Variants in ANAPC1 observed in about 807,000 individuals in gnomAD.
The protein encoded by ANAPC1 is anaphase-promoting complex subunit 1.
Under a neutral mutation model 208.0 loss-of-function variants are expected in ANAPC1, and 36 were observed. That is an observed-to-expected ratio of 0.17 (90% CI 0.13 to 0.23). The LOEUF (loss-of-function observed/expected upper bound fraction) is 0.23. Among genes scored for constraint, ANAPC1 ranks in the 10% least tolerant of loss-of-function variants. The probability of loss-of-function intolerance (pLI) is 1.00; values close to 1 mark genes in which losing one functional copy is unlikely to be tolerated. For missense variants in ANAPC1, 942 were observed against 2,011.6 expected, an observed-to-expected ratio of 0.47 and a Z score of 10.17; for synonymous variants, 378 against 695.2, an observed-to-expected ratio of 0.54 and a Z score of 7.18.
chr2:111,798,379 T>C (rs187316627), intron 34 of ANAPC1, among the ~76,000 whole-genome samples: 6 of 152,328 alleles, frequency 3.9e-5, no homozygotes, highest in African/African-American at 7.2e-5. Flanking sequence ...CTTGGGTACA[T>C]ACAAGGCAGA....
intron 6 of ANAPC1, 137 bp downstream of exon 6, chr2:111,872,493 G>A: frequency 3.0e-6 from 2 of 672,198 alleles, no homozygotes; most frequent in Non-Finnish European, 4.9e-6. Flanking sequence ...AACTTGTACT[G>A]AGATGAGAGA....
chr2:111,848,318 G>A (rs1573455416), intron 14 of ANAPC1, among the ~76,000 whole-genome samples: 1 of 151,286 alleles, frequency 6.6e-6, no homozygotes, highest in East Asian at 1.9e-4. Context: ...CAACTGCAGG[G>A]AAAGGGGCCA....
intron 17 of ANAPC1, among the ~76,000 whole-genome samples, chr2:111,842,578 G>A (rs1460560309): frequency 6.7e-6 from 1 of 150,238 alleles, no homozygotes; most frequent in Non-Finnish European, 1.5e-5. Context: ...AGGAGGCAGA[G>A]CCTGTAGTGA....
intron 1 of ANAPC1, among the ~76,000 whole-genome samples, chr2:111,883,630 G>A (rs1169926285): frequency 1.3e-5 from 2 of 152,216 alleles, no homozygotes; most frequent in East Asian, 1.9e-4. Context: ...AAAACAGGCT[G>A]AGAGCCCGAG....
intron 38 of ANAPC1, among the ~76,000 whole-genome samples, chr2:111,789,811 C>T (rs1401847841): frequency 1.5e-4 from 23 of 151,504 alleles, no homozygotes; most frequent in African/African-American, 5.1e-4. Flanking sequence ...CAATTCGATA[C>T]GAAAGAAGAG....
chr2:111,849,255 T>TGAGG (rs1459922150), intron 14 of ANAPC1, among the ~76,000 whole-genome samples: 1 of 152,254 alleles, frequency 6.6e-6, no homozygotes, highest in African/African-American at 2.4e-5. Flanking sequence ...ATCATTTCCA[T>TGAGG]GACTTTACAC....
At chr2:111,854,779 G>A (rs1444794677) in intron 13 of ANAPC1, among the ~76,000 whole-genome samples, 8 of 152,168 alleles carry the variant, frequency 5.3e-5, no homozygotes, top group Non-Finnish European at 1.0e-4. Context: ...CTGTGGATTC[G>A]ACTTCAGCAT....
intron 35 of ANAPC1, among the ~76,000 whole-genome samples, chr2:111,794,546 A>C (rs1678056900): frequency 6.6e-6 from 1 of 152,160 alleles, no homozygotes; most frequent in Non-Finnish European, 1.5e-5. Context: ...TATGCAGCAA[A>C]AACAATTTTT....
At chr2:111,792,115 C>G (rs915612713) in intron 38 of ANAPC1, among the ~76,000 whole-genome samples, 29 of 151,880 alleles carry the variant, frequency 1.9e-4, no homozygotes, top group African/African-American at 7.0e-4. Flanking sequence ...CACTGAAGAA[C>G]CGAGCACAGA....
chr2:111,845,137 C>T (rs1465792650), intron 16 of ANAPC1, among the ~76,000 whole-genome samples: 1 of 152,232 alleles, frequency 6.6e-6, no homozygotes, highest in Non-Finnish European at 1.5e-5. Flanking sequence ...CATGAGCCCA[C>T]CACACCTGGC....
At position 111,863,841 on chromosome 2, in the gene ANAPC1, C is replaced by T. The variant is rs181230944; in HGVS notation, c.886G>A (p.Ala296Thr). 1 of 1,613,718 alleles carries T rather than the reference C, an allele frequency of 6.2e-7. No individual in the cohort carries two copies. Among genetic ancestry groups the T allele is most frequent in the East Asian group, 2.2e-5 (1 of 44,874 alleles). The change falls in exon 9 of 48, where the codon GCC (alanine) becomes ACC (threonine). Residue 296 changes from alanine (A) to threonine (T), a missense_variant. By Grantham distance (58) the Ala-to-Thr change is moderately conservative. Transcript: ENST00000341068. ...SEQGGTPQNV[A>T]TSSSLTAHLR... ...TGTGCTGTGAGGGAGCTGCTAGTGG[C>T]CACATTCTGTGGGGTTCCCCCCTGT... is the stretch of plus-strand genomic sequence containing the variant.
chr2:111,851,807 T>C (rs1681416106), intron 13 of ANAPC1, among the ~76,000 whole-genome samples: 4 of 82,718 alleles, frequency 4.8e-5, no homozygotes, highest in Admixed American at 1.2e-4. Flanking sequence ...CGAAACTCTG[T>C]CTCAAAAAAA....
chr2:111,875,378 G>A (rs1235168637), intron 3 of ANAPC1, among the ~76,000 whole-genome samples: 2 of 147,376 alleles, frequency 1.4e-5, no homozygotes, highest in Non-Finnish European at 3.0e-5. Flanking sequence ...AATCTACAAT[G>A]CACCGATTAC....
At chr2:111,790,156 T>C (rs1177765088) in intron 38 of ANAPC1, among the ~76,000 whole-genome samples, 17 of 152,188 alleles carry the variant, frequency 1.1e-4, no homozygotes, top group Admixed American at 2.6e-4. Context: ...TACAGCTAAA[T>C]ATATACAGGG....
chr2:111,775,285 C>T (rs1041634130), intron 46 of ANAPC1, among the ~76,000 whole-genome samples: 4 of 152,062 alleles, frequency 2.6e-5, no homozygotes, highest in Non-Finnish European at 4.4e-5. Flanking sequence ...AAAACAAAAC[C>T]GACATTTATA....
chr2:111,828,309 T>C (rs1019845859), intron 21 of ANAPC1, among the ~76,000 whole-genome samples: 1 of 152,142 alleles, frequency 6.6e-6, no homozygotes, highest in African/African-American at 2.4e-5. Context: ...CGTAGAGAAA[T>C]TGGAACCCTT....
intron 19 of ANAPC1, among the ~76,000 whole-genome samples, chr2:111,833,836 T>C (rs913072279): frequency 1.3e-5 from 2 of 152,162 alleles, no homozygotes; most frequent in Non-Finnish European, 2.9e-5. Flanking sequence ...AACTGCCATG[T>C]CTCAGGATTG....
intron 16 of ANAPC1, among the ~76,000 whole-genome samples, chr2:111,845,343 A>C (rs939278203): frequency 2.0e-5 from 3 of 152,098 alleles, no homozygotes; most frequent in African/African-American, 7.2e-5. Context: ...CTGTCATGCC[A>C]CTGGGCCCAC....
chr2:111,825,780 T>C lies in ANAPC1; in HGVS notation c.2701A>G (p.Ile901Val), dbSNP rs1412441801. Residue 901 changes from isoleucine to valine, a missense_variant, in exon 22 of 48, where the codon ATA becomes GTA. Coordinates refer to ENST00000341068, the MANE Select transcript of ANAPC1 (RefSeq NM_022662.4). Reference sequence around the variant, plus strand: ...AGGCAACATTGCACCAACTTACCTATAGTTATTCTGGTTAAATACTGTGAG... The same window carrying C: ...AGGCAACATTGCACCAACTTACCTACAGTTATTCTGGTTAAATACTGTGAG... ...ESSQYLTRITIAPQKLQVEQE... is the reference protein window; with the variant it reads ...ESSQYLTRITVAPQKLQVEQE... 1.9e-6 allele frequency: 3 copies of C among 1,613,526 alleles called. No homozygotes were observed. The highest frequency in any genetic ancestry group is 1.3e-5 in the African/African-American group (1 of 74,936).
Sources: gnomAD v4.1 joint callset for allele counts (sites outside exome capture counted in the v4.1 genomes callset) on GRCh38, gnomAD v4.1.1 for gene constraint, MANE v1.5 for transcripts, NCBI Gene and HGNC (gene_info 2026-07-23, HGNC 2026-07-21) for gene names.